The following OR51B5 variants were observed in gnomAD, a reference collection of about 807,000 sequenced individuals.
The protein encoded by OR51B5 is olfactory receptor family 51 subfamily B member 5, also known as olfactory receptor 51B5.
For synonymous variants in OR51B5, 186 were observed against 144.8 expected, an observed-to-expected ratio of 1.28 and a Z score of -2.04; for missense variants, 456 against 374.6, an observed-to-expected ratio of 1.22 and a Z score of -1.79.
At chr11:5,438,792 C>T (rs958526296) in intron 1 of OR51B5, among the ~76,000 whole-genome samples, 4 of 152,034 alleles carry the variant, frequency 2.6e-5, no homozygotes, top group Non-Finnish European at 5.9e-5. Flanking sequence ...CACAACAAAG[C>T]TTAAATAGAG....
At chr11:5,449,318 G>C (rs1220441627) in intron 1 of OR51B5, 19 of 152,236 alleles carry the variant, frequency 1.2e-4, no homozygotes, top group Admixed American at 1.2e-3. Context: ...CTTCAGCAGA[G>C]ACAGGGAAGA....
chr11:5,493,840 C>A (rs951644726), intron 1 of OR51B5, among the ~76,000 whole-genome samples: 2 of 152,174 alleles, frequency 1.3e-5, no homozygotes, highest in Non-Finnish European at 2.9e-5. Flanking sequence ...TAGAATGACA[C>A]CTCCAGAAGA....
chr11:5,441,089 A>G (rs762270238), intron 1 of OR51B5: 2 of 1,613,910 alleles, frequency 1.2e-6, no homozygotes, highest in African/African-American at 2.7e-5. Context: ...TAGCCAATAT[A>G]CGGTTGTGAG....
In OR51B5 at chr11:5,441,430, C is replaced by T. The variant is rs766013139; in HGVS notation, n.84+64139G>A. On this transcript the variant is annotated intron_variant and non_coding_transcript_variant, in intron 1 of 4. Transcript: ENST00000415970. ...TAGAGGATGCAGAAAATCAGGGCAA[C>T]CCAGGTGAGGCCTGTTTGTATCCCA... 8.7e-6 allele frequency: 14 copies of T among 1,613,746 alleles called. 1 individual carries two copies. The highest frequency in any genetic ancestry group is 1.7e-5 in the Admixed American group (1 of 59,944).
chr11:5,416,985 A>C (rs1850254414), intron 1 of OR51B5, among the ~76,000 whole-genome samples: 1 of 145,414 alleles, frequency 6.9e-6, no homozygotes, highest in Non-Finnish European at 1.5e-5. Context: ...TCCTAAGCCA[A>C]AAGAACAAAG....
intron 1 of OR51B5, chr11:5,489,109 T>C: frequency 6.2e-7 from 1 of 1,613,986 alleles, no homozygotes; most frequent in Non-Finnish European, 8.5e-7. Flanking sequence ...CCCATTAAGG[T>C]ACACAACCAT....
intron 1 of OR51B5, chr11:5,454,914 C>A (rs1030728652): frequency 6.5e-6 from 1 of 153,002 alleles, no homozygotes; most frequent in Non-Finnish European, 1.5e-5. Context: ...GTCAGTGCAG[C>A]ACCCAACCGG....
chr11:5,364,485 C>T (rs1178244621), intron 1 of OR51B5, among the ~76,000 whole-genome samples: 1 of 152,216 alleles, frequency 6.6e-6, no homozygotes, highest in Non-Finnish European at 1.5e-5. Flanking sequence ...TCTCAATGGT[C>T]AGTCTCCTTG....
Position 5,461,041 on chromosome 11 carries a change from G to A in OR51B5, n.84+44528C>T, listed in dbSNP as rs778420031. 7.9e-5 allele frequency among the ~76,000 whole-genome samples: 12 copies of A among 152,204 alleles called. 1 individual carries two copies. The highest frequency in any genetic ancestry group is 1.5e-5 in the Non-Finnish European group (1 of 68,044). On this transcript the variant is annotated intron_variant and non_coding_transcript_variant, in intron 1 of 4. Transcript: ENST00000415970. ...CTGTGGCCAGGCAGTAGTTGAGGGGGAGATTGCCCTACGGCATGGTGGCAT... is the reference window on the plus strand; with the variant it reads ...CTGTGGCCAGGCAGTAGTTGAGGGGAAGATTGCCCTACGGCATGGTGGCAT...
At chr11:5,357,960 C>T (rs1849220576) in intron 1 of OR51B5, among the ~76,000 whole-genome samples, 1 of 152,006 alleles carries the variant, frequency 6.6e-6, no homozygotes, top group Non-Finnish European at 1.5e-5. Context: ...AAAGACACAA[C>T]ATACCAGAAT....
intron 1 of OR51B5, among the ~76,000 whole-genome samples, chr11:5,474,272 A>G (rs1482375511): frequency 6.6e-6 from 1 of 152,124 alleles, no homozygotes; most frequent in African/African-American, 2.4e-5. Context: ...TGGTTGAGAA[A>G]AGATTTCATT....
rs543741466 is a variant in OR51B5 at position 5,450,486 on chromosome 11, A to G, written n.84+55083T>C. On this transcript the variant is annotated intron_variant and non_coding_transcript_variant, in intron 1 of 4. Transcript: ENST00000415970. ...TACGCTTATATAGCCAGTACCTTCC[A>G]GAGCCAGGGTCAGGACTCCTGACAC... Among the ~76,000 whole-genome samples the G allele has an allele frequency of 5.4e-4, 82 of 152,340 alleles. 1 individual carries two copies. The highest frequency in any genetic ancestry group is 1.3e-4 in the Admixed American group (2 of 15,302).
intron 1 of OR51B5, chr11:5,440,525 T>C: frequency 7.2e-7 from 1 of 1,396,822 alleles, no homozygotes; most frequent in South Asian, 1.2e-5. Context: ...TGTTAACATG[T>C]CCCAATCCTT....
chr11:5,476,831 T>C (rs1377791046), intron 1 of OR51B5, among the ~76,000 whole-genome samples: 1 of 152,046 alleles, frequency 6.6e-6, no homozygotes, highest in African/African-American at 2.4e-5. Flanking sequence ...AGCTTGCTGA[T>C]ATGTTACAGA....
At chr11:5,395,701 T>C (rs1849859243) in intron 1 of OR51B5, among the ~76,000 whole-genome samples, 1 of 152,206 alleles carries the variant, frequency 6.6e-6, no homozygotes, top group Non-Finnish European at 1.5e-5. Flanking sequence ...AGGGCCCATG[T>C]GGAAATCTTT....
rs553238757 is a variant in OR51B5, at chr11:5,377,420, T to A, written n.85-30510A>T. Among the ~76,000 whole-genome samples the A allele has an allele frequency of 7.9e-5, 12 of 152,110 alleles. No individual in the cohort carries two copies. The South Asian group carries it at 1.7e-3, about 21-fold the overall frequency. ...TGGCACAAGACAGGGATGCCCTCTC[T>A]CACTACTCCTATTCAACATAGTGTT... is the stretch of plus-strand genomic sequence containing the variant. On this transcript the variant is annotated intron_variant and non_coding_transcript_variant, in intron 1 of 4. Coordinates refer to the OR51B5 transcript ENST00000415970.
In OR51B5 at chr11:5,398,273, C is replaced by T. The variant is rs149131803; in HGVS notation, n.85-51363G>A. Among the ~76,000 whole-genome samples, 6 of 152,230 alleles carry T rather than the reference C, an allele frequency of 3.9e-5. No individual in the cohort carries two copies. In the East Asian group the frequency reaches 9.6e-4, roughly 24 times the overall value. ...AATATGCTGGATAAATACTATTACA[C>T]TCATTTCACAAAGATACTGACTCTA... is the stretch of plus-strand genomic sequence containing the variant. On this transcript the variant is annotated intron_variant and non_coding_transcript_variant, in intron 1 of 4. Transcript: ENST00000415970.
At chr11:5,453,501 A>C in intron 1 of OR51B5, 1 of 1,552,102 alleles carries the variant, frequency 6.4e-7, no homozygotes, top group East Asian at 2.3e-5. Flanking sequence ...GGGGTTGTTC[A>C]ATGTCACTCA....
At chr11:5,410,396 A>G (rs1425668848) in intron 1 of OR51B5, among the ~76,000 whole-genome samples, 9 of 152,126 alleles carry the variant, frequency 5.9e-5, no homozygotes, top group Admixed American at 5.9e-4. Flanking sequence ...TTTATAGTAG[A>G]CGATAAGATG....
Sources: gnomAD v4.1 joint callset for allele counts (sites outside exome capture counted in the v4.1 genomes callset) on GRCh38, gnomAD v4.1.1 for gene constraint, MANE v1.5 for transcripts, NCBI Gene and HGNC (gene_info 2026-07-23, HGNC 2026-07-21) for gene names.